Variants in FRMPD1 observed in about 807,000 individuals in gnomAD.
The protein encoded by FRMPD1 is FERM and PDZ domain containing 1, also known as FERM and PDZ domain-containing protein 1.
Under a neutral mutation model 117.8 loss-of-function variants are expected in FRMPD1, and 76 were observed. The ratio of observed to expected loss-of-function variants is 0.65; its 90% CI spans 0.54 to 0.78. The LOEUF (loss-of-function observed/expected upper bound fraction) is 0.78, where lower values mean the gene tolerates loss of function less well. Among genes scored for constraint, FRMPD1 ranks in the 30% least tolerant of loss-of-function variants. The pLI is 0.00. For missense variants in FRMPD1, 1,786 were observed against 1,964.5 expected, an observed-to-expected ratio of 0.91 and a Z score of 1.72; for synonymous variants, 783 against 770.4, an observed-to-expected ratio of 1.02 and a Z score of -0.27.
At chr9:37,644,362 C>T in the FRMPD1 span, among the ~76,000 whole-genome samples, 1 of 152,176 alleles carries the variant, frequency 6.6e-6, no homozygotes, top group African/African-American at 2.4e-5. Context: ...GGCTCCTGGG[C>T]CTTTGTCCTT....
Position 37,745,094 on chromosome 9 carries a change from AC to A in FRMPD1, c.3065del (p.Pro1022GlnfsTer12). The stretch of plus-strand genomic sequence containing the variant: ...TTCTCCCTCTCCAGTGGTGACCCTA[AC>A]CCAGACAGAGCCTGCCTGGCCAGCA... ...SSFSLSSGDPNPDRACLASNP... is the reference protein window; with the variant it reads ...SSFSLSSGDPXPDRACLASNP... On this transcript the variant is annotated frameshift_variant, in exon 16 of 16. Transcript: ENST00000377765. LOFTEE classifies it low-confidence loss of function (END_TRUNC). 1 of 1,613,916 alleles carries A rather than the reference AC, an allele frequency of 6.2e-7. No individual in the cohort carries two copies. The highest frequency in any genetic ancestry group is 1.7e-4 in the Middle Eastern group (1 of 6,060).
intron 13 of FRMPD1, among the ~76,000 whole-genome samples, 155 bp from the exon 14 acceptor site, chr9:37,736,941 C>T (rs1824161770): frequency 6.6e-6 from 1 of 151,602 alleles, no homozygotes; most frequent in Admixed American, 6.6e-5. Flanking sequence ...TCATTTAAAG[C>T]CTTGCAAGTG....
rs145324048 is a variant in FRMPD1, at chr9:37,740,322, C to T, written c.1794C>T (p.Arg598=). Residue 598 remains arginine (R), a synonymous_variant, in exon 15 of 16, where the codon CGC becomes CGT. Transcript: ENST00000377765. This position sits in a 1 kb window ranked among gnomAD's most constrained non-coding sequence, Gnocchi z 4.2. ...EASDSANTES[R]GYRTSGSSES... is the part of the protein sequence containing the mutation. ...CCGACTCAGCCAACACTGAGAGCCG[C>T]GGCTACAGGACCAGTGGCTCGAGTG... is the stretch of plus-strand genomic sequence containing the variant. 5.3e-5 allele frequency: 85 copies of T among 1,613,712 alleles called. No individual in the cohort carries two copies. Among genetic ancestry groups the T allele is most frequent in the Non-Finnish European group, 6.9e-5 (82 of 1,179,970 alleles).
At chr9:37,684,396 G>A (rs775114402) in intron 1 of FRMPD1, among the ~76,000 whole-genome samples, 2 of 152,228 alleles carry the variant, frequency 1.3e-5, no homozygotes, top group Admixed American at 6.5e-5. Flanking sequence ...ATGGCACATA[G>A]TAAGTGGTAA....
chr9:37,699,971 C>T (rs1484846300), intron 2 of FRMPD1, among the ~76,000 whole-genome samples: 1 of 152,182 alleles, frequency 6.6e-6, no homozygotes, highest in Non-Finnish European at 1.5e-5. Flanking sequence ...GCTGGTTTTA[C>T]ACACTTTCCA....
chr9:37,728,689 G>T (rs571219063), intron 7 of FRMPD1, among the ~76,000 whole-genome samples: 5 of 152,266 alleles, frequency 3.3e-5, no homozygotes, highest in Non-Finnish European at 7.4e-5. Context: ...GTGGCTGGAC[G>T]TGGTGGCTCA....
Position 37,740,997 on chromosome 9 carries a change from C to T in FRMPD1, c.2356+113C>T, listed in dbSNP as rs1563962943. The T allele has an allele frequency of 1.3e-6, 1 of 784,030 alleles. No homozygotes were observed. The highest frequency in any genetic ancestry group is 1.5e-5 in the South Asian group (1 of 67,334). 48.6% of individuals were successfully genotyped at this position (784,030 alleles called of 1,614,324 possible). ...AAGGCACATGAGTGAAACAGGGTCC[C>T]TGTACACTTCTGAGGAGGTAGATAC... On this transcript the variant is annotated intron_variant, in intron 15 of 15. Coordinates refer to ENST00000377765, the MANE Select transcript of FRMPD1 (RefSeq NM_014907.3). This position sits in a 1 kb window ranked among gnomAD's most constrained non-coding sequence, Gnocchi z 4.2.
chr9:37,659,639 G>A (rs939256228), intron 1 of FRMPD1, among the ~76,000 whole-genome samples: 4 of 152,114 alleles, frequency 2.6e-5, no homozygotes, highest in African/African-American at 9.7e-5. Flanking sequence ...CACTAATTTA[G>A]ACTGAGATTG....
the FRMPD1 span, among the ~76,000 whole-genome samples, chr9:37,636,499 C>T: frequency 1.3e-5 from 2 of 152,148 alleles, no homozygotes; most frequent in Admixed American, 6.5e-5. Flanking sequence ...GAGTGTCCTC[C>T]CTTAGGGACC....
At chr9:37,715,882 C>T (rs542144825) in intron 5 of FRMPD1, among the ~76,000 whole-genome samples, 1 of 152,218 alleles carries the variant, frequency 6.6e-6, no homozygotes, top group South Asian at 2.1e-4. Context: ...CCTGTGACTC[C>T]CACCAAGTAG....
At chr9:37,683,206 C>T (rs941298113) in intron 1 of FRMPD1, among the ~76,000 whole-genome samples, 1 of 152,216 alleles carries the variant, frequency 6.6e-6, no homozygotes, top group African/African-American at 2.4e-5. Flanking sequence ...TTCATCCATG[C>T]TGTACCATGC....
the FRMPD1 span, among the ~76,000 whole-genome samples, chr9:37,626,927 CTGGTTTAGAG>C: frequency 2.0e-5 from 3 of 152,132 alleles, no homozygotes; most frequent in Non-Finnish European, 4.4e-5. Context: ...TCGAGCAGTA[CTGGTTTAGAG>C]TACACCTGCT....
chr9:37,723,681 AC>A (rs1823493821), intron 6 of FRMPD1, among the ~76,000 whole-genome samples: 1 of 152,114 alleles, frequency 6.6e-6, no homozygotes. Context: ...ACATGGTGAA[AC>A]CCTGTCTCTA....
At chr9:37,619,080 C>T in the FRMPD1 span, among the ~76,000 whole-genome samples, 356 of 152,304 alleles carry the variant, frequency 2.3e-3, 2 homozygotes, top group African/African-American at 8.2e-3. Flanking sequence ...AACCCAGCCC[C>T]AAGTGACTAA....
chr9:37,624,505 G>A, the FRMPD1 span, among the ~76,000 whole-genome samples: 2 of 152,040 alleles, frequency 1.3e-5, no homozygotes, highest in African/African-American at 4.8e-5. Flanking sequence ...CAAACAAAGG[G>A]GTTTCCCTCA....
chr9:37,739,163 A>G (rs1363713670), intron 14 of FRMPD1, among the ~76,000 whole-genome samples: 1 of 152,140 alleles, frequency 6.6e-6, no homozygotes, highest in Non-Finnish European at 1.5e-5. Flanking sequence ...AGGAGGGTTC[A>G]GGGCCATCCT....
At chr9:37,636,917 G>A in the FRMPD1 span, 4 of 1,609,314 alleles carry the variant, frequency 2.5e-6, no homozygotes, top group African/African-American at 1.3e-5. Flanking sequence ...CTTCTTGGTG[G>A]TGAGGTCGCT....
chr9:37,713,801 C>G (rs1446219921), intron 5 of FRMPD1, among the ~76,000 whole-genome samples: 1 of 152,088 alleles, frequency 6.6e-6, no homozygotes, highest in African/African-American at 2.4e-5. Context: ...AATACAGTCT[C>G]AACTCTAAAA....
chr9:37,729,519 G>A (rs1447465371), intron 7 of FRMPD1, among the ~76,000 whole-genome samples: 1 of 152,006 alleles, frequency 6.6e-6, no homozygotes, highest in Non-Finnish European at 1.5e-5. Flanking sequence ...CAGGGTGGCT[G>A]TATGGATGGT....
Sources: gnomAD v4.1 joint callset for allele counts (sites outside exome capture counted in the v4.1 genomes callset) on GRCh38, gnomAD v4.1.1 for gene constraint, Gnocchi (gnomAD v3.1) non-coding constraint, MANE v1.5 for transcripts, NCBI Gene and HGNC (gene_info 2026-07-23, HGNC 2026-07-21) for gene names.